Variants in ZFAND4 observed in about 807,000 individuals in gnomAD.
The protein encoded by ZFAND4 is AN1-type zinc finger protein 4.
ZFAND4 carries 43 observed loss-of-function variants against 64.4 expected under a neutral mutation model. The observed-to-expected ratio is 0.67, with a 90% confidence interval of 0.52 to 0.86. The LOEUF is 0.86. Ranked by LOEUF, ZFAND4 falls within the 40% of genes least tolerant of loss-of-function variation. The pLI, the probability that ZFAND4 is intolerant of heterozygous loss-of-function variation, is 0.00. For synonymous variants in ZFAND4, 296 were observed against 305.7 expected (o/e 0.97, Z 0.33); for missense variants, 929 against 859.8 (o/e 1.08, Z -1.01).
In ZFAND4 at chr10:45,664,876, A is replaced by G. The variant is rs538643527; in HGVS notation, c.-117-1034T>C. 1.1e-3 allele frequency among the ~76,000 whole-genome samples: 160 copies of G among 152,170 alleles called. 2 individuals are homozygous for G. The South Asian group carries it at 0.032, about 30-fold the overall frequency. ...AACCCGGGAGGCAGAGCTTGCGGTG[A>G]GCCGAGATTGCGCCACAACACCCCA... On this transcript the variant is annotated intron_variant, in intron 1 of 9. Coordinates refer to ENST00000344646, the MANE Select transcript of ZFAND4 (RefSeq NM_174890.4).
At position 45,616,437 on chromosome 10, in the gene ZFAND4, T is replaced by G. The variant is rs146432350; in HGVS notation, c.2183A>C (p.Ter728SerextTer15). Residue 728 changes from the stop codon to serine, a stop_lost, in exon 10 of 10, where the codon TAA becomes TCA. Transcript: ENST00000344646. ...VVNAPKLPKI[*>S] ...GAACAGTAAGATGTAGAGGAAGAGT[T>G]AGATTTTTGGAAGCTTTGGTGCATT... The G allele has an allele frequency of 1.9e-6, 3 of 1,613,974 alleles. No individual in the cohort carries two copies. In the African/African-American group the frequency reaches 4.0e-5, roughly 22 times the overall value.
intron 8 of ZFAND4, among the ~76,000 whole-genome samples, chr10:45,621,611 G>A (rs1008244157): frequency 1.1e-4 from 16 of 151,776 alleles, no homozygotes; most frequent in African/African-American, 2.7e-4. Context: ...GTGTGGTGGC[G>A]GGCACCTGTA....
intron 4 of ZFAND4, chr10:45,650,068 G>A (rs1360862548): frequency 6.6e-6 from 1 of 152,130 alleles, no homozygotes; most frequent in East Asian, 1.9e-4. Context: ...ATCTTTCTAT[G>A]CTGCTTTGAT....
At chr10:45,622,095 A>G (rs7074524) in intron 8 of ZFAND4, among the ~76,000 whole-genome samples, 36,339 of 152,150 alleles carry the variant, frequency 0.24, 4,530 homozygotes, top group South Asian at 0.37. Flanking sequence ...AACAACAACT[A>G]TAACATTAAA....
At chr10:45,637,212 A>T (rs1216387785) in intron 6 of ZFAND4, among the ~76,000 whole-genome samples, 1 of 151,594 alleles carries the variant, frequency 6.6e-6, no homozygotes, top group Non-Finnish European at 1.5e-5. Context: ...ATGGTGGCAC[A>T]TGCCTGTAGT....
At chr10:45,657,190 AT>A (rs1211443690) in intron 2 of ZFAND4, among the ~76,000 whole-genome samples, 1 of 151,886 alleles carries the variant, frequency 6.6e-6, no homozygotes, top group Non-Finnish European at 1.5e-5. Context: ...AAATTTTTGT[AT>A]TTTTAGTAGA....
chr10:45,639,412 T>C (rs1156234467), intron 6 of ZFAND4, among the ~76,000 whole-genome samples: 2 of 152,100 alleles, frequency 1.3e-5, no homozygotes, highest in Non-Finnish European at 2.9e-5. Context: ...TATGGGAAAA[T>C]GGCAACTCTC....
chr10:45,638,716 G>C (rs1426448092), intron 6 of ZFAND4, among the ~76,000 whole-genome samples: 2 of 152,034 alleles, frequency 1.3e-5, no homozygotes, highest in South Asian at 4.1e-4. Flanking sequence ...CCATCAAAAG[G>C]AAAAGAAAGA....
At position 45,615,702 on chromosome 10, in the gene ZFAND4, A is replaced by T. The variant is rs1166546872; in HGVS notation, c.*734T>A. 6.6e-6 allele frequency: 1 copy of T among 152,236 alleles called. No homozygotes were observed. The highest frequency in any genetic ancestry group is 1.9e-4 in the East Asian group (1 of 5,196). 9.4% of individuals were successfully genotyped at this position (152,236 alleles called of 1,614,324 possible). A position where few individuals can be genotyped will look rare whatever the true frequency, so the allele number is the denominator to read the frequency against. Reference sequence around the variant, plus strand: ...TAAATGTAGCCATATTTCAAAAGGTAAAAAGTTGGCTTCTATATTTAATGG... The same window carrying T: ...TAAATGTAGCCATATTTCAAAAGGTTAAAAGTTGGCTTCTATATTTAATGG... On this transcript the variant is annotated 3_prime_UTR_variant, in exon 10 of 10. Transcript: ENST00000344646.
intron 9 of ZFAND4, chr10:45,617,792 T>C (rs1217137166): frequency 1.3e-5 from 2 of 152,640 alleles, no homozygotes; most frequent in Non-Finnish European, 2.9e-5. Context: ...ATATTAACTT[T>C]TAATTTTTTA....
intron 2 of ZFAND4, among the ~76,000 whole-genome samples, chr10:45,654,301 A>G (rs1589397920): frequency 6.6e-6 from 1 of 152,274 alleles, no homozygotes; most frequent in East Asian, 1.9e-4. Flanking sequence ...CCATGTATCC[A>G]CTGAACCTAA....
intron 1 of ZFAND4, among the ~76,000 whole-genome samples, chr10:45,665,414 A>G (rs2048756034): frequency 6.6e-6 from 1 of 151,202 alleles, no homozygotes; most frequent in Non-Finnish European, 1.5e-5. Flanking sequence ...GGTGGCGCAC[A>G]CCTGTAGTCC....
chr10:45,654,710 T>C (rs1285276500), intron 2 of ZFAND4, among the ~76,000 whole-genome samples: 1 of 151,958 alleles, frequency 6.6e-6, no homozygotes. Flanking sequence ...TAGCTATTCT[T>C]ATATCAGAGA....
chr10:45,668,422 A>G (rs1002530119), intron 1 of ZFAND4, among the ~76,000 whole-genome samples: 3 of 152,388 alleles, frequency 2.0e-5, no homozygotes, highest in East Asian at 1.9e-4. Flanking sequence ...CAGCCACTGC[A>G]AAAACATGCC....
Position 45,618,276 on chromosome 10 carries a change from A to G in ZFAND4, c.1928-16T>C, listed in dbSNP as rs752311280. ...GTACATTCTCCTGTTTAGAGAAAGGACACCTTGATTAACACAGGCATAAAA... is the reference window on the plus strand; with the variant it reads ...GTACATTCTCCTGTTTAGAGAAAGGGCACCTTGATTAACACAGGCATAAAA... On this transcript the variant is annotated splice_polypyrimidine_tract_variant and intron_variant, in intron 8 of 9. Coordinates refer to ENST00000344646, the MANE Select transcript of ZFAND4 (RefSeq NM_174890.4). 1.2e-6 allele frequency: 2 copies of G among 1,609,242 alleles called. No homozygotes were observed. Among genetic ancestry groups the G allele is most frequent in the South Asian group, 2.2e-5 (2 of 89,790 alleles).
rs1391111509 is a variant in ZFAND4 at position 45,652,993 on chromosome 10, T to C, written c.251A>G (p.Asn84Ser). 1.2e-6 allele frequency: 2 copies of C among 1,611,824 alleles called. No individual in the cohort carries two copies. Among genetic ancestry groups the C allele is most frequent in the Non-Finnish European group, 1.7e-6 (2 of 1,178,588 alleles). ...ATGCAATTACACTCACTTGTAATCATTCAAGCAATAATCATTTTCAAGTTC... is the reference window on the plus strand; with the variant it reads ...ATGCAATTACACTCACTTGTAATCACTCAAGCAATAATCATTTTCAAGTTC... ...NMELENDYCL[N>S]DYNISEGCTL... is the part of the protein sequence containing the mutation. The change falls in exon 3 of 10, where the codon AAT becomes AGT. Residue 84 changes from asparagine to serine, a missense_variant. Transcript: ENST00000344646.
intron 8 of ZFAND4, among the ~76,000 whole-genome samples, chr10:45,619,821 AC>A (rs1275303259): frequency 6.6e-6 from 1 of 152,214 alleles, no homozygotes; most frequent in African/African-American, 2.4e-5. Flanking sequence ...AAAATTTGAA[AC>A]AATTGAGAGA....
At position 45,619,108 on chromosome 10, in the gene ZFAND4, G is replaced by A. The variant is rs189235720; in HGVS notation, c.1928-848C>T. Among the ~76,000 whole-genome samples, 234 of 151,334 alleles carry A rather than the reference G, an allele frequency of 1.5e-3. 1 individual carries two copies. Among genetic ancestry groups the A allele is most frequent in the African/African-American group, 4.2e-3 (172 of 41,234 alleles). ...GGCTGTAGTGCAGTGGCGCAATCTC[G>A]GCTCACTGCAAGCTCTGTGTCTTGG... On this transcript the variant is annotated intron_variant, in intron 8 of 9. Coordinates refer to ENST00000344646, the MANE Select transcript of ZFAND4 (RefSeq NM_174890.4).
chr10:45,631,200 C>T (rs1367863937), intron 6 of ZFAND4, among the ~76,000 whole-genome samples: 1 of 151,282 alleles, frequency 6.6e-6, no homozygotes, highest in Non-Finnish European at 1.5e-5. Flanking sequence ...CGCCTGTAGT[C>T]CAGCTACTCC....
Sources: allele counts gnomAD v4.1 joint callset (sites outside exome capture counted in the v4.1 genomes callset), GRCh38; gene constraint gnomAD v4.1.1; transcripts MANE v1.5; gene names NCBI Gene and HGNC (gene_info 2026-07-23, HGNC 2026-07-21).